The following CHMP3 variants were observed in gnomAD, a reference collection of about 807,000 sequenced individuals.
CHMP3 encodes the protein 25.1 protein.
In CHMP3, 8 loss-of-function variants were observed where a neutral mutation model predicts 27.4. The observed-to-expected ratio is 0.29, with a 90% CI of 0.17 to 0.53. The LOEUF is 0.53. Among genes scored for constraint, CHMP3 ranks in the 20% least tolerant of loss-of-function variants. The probability of loss-of-function intolerance (pLI) is 0.96; values close to 1 mark genes in which losing one functional copy is unlikely to be tolerated. For synonymous variants in CHMP3, 86 were observed against 85.5 expected (o/e 1.01, Z -0.03); for missense variants, 208 against 271.5 (o/e 0.77, Z 1.64).
At chr2:86,548,927 G>A (rs1460151717) in intron 1 of CHMP3, among the ~76,000 whole-genome samples, 2 of 150,164 alleles carry the variant, frequency 1.3e-5, no homozygotes, top group Non-Finnish European at 3.0e-5. Context: ...CAGATGATGG[G>A]CCGGGCAGAG....
At chr2:86,533,359 GAACC>G (rs1676000491) in intron 2 of CHMP3, among the ~76,000 whole-genome samples, 1 of 152,026 alleles carries the variant, frequency 6.6e-6, no homozygotes, top group African/African-American at 2.4e-5. Context: ...TCTTTTTCAA[GAACC>G]AACTATGGAT....
chr2:86,547,417 A>G (rs1676654510), intron 1 of CHMP3, among the ~76,000 whole-genome samples: 1 of 152,246 alleles, frequency 6.6e-6, no homozygotes, highest in Non-Finnish European at 1.5e-5. Flanking sequence ...CTAAACTTGT[A>G]AAATCAAAAG....
chr2:86,548,568 T>A (rs1477585629), intron 1 of CHMP3, among the ~76,000 whole-genome samples: 3 of 152,224 alleles, frequency 2.0e-5, no homozygotes, highest in African/African-American at 4.8e-5. Context: ...AACAAAATGG[T>A]GTCTCCTATG....
intron 3 of CHMP3, among the ~76,000 whole-genome samples, chr2:86,521,470 T>C (rs1436831526): frequency 1.3e-5 from 2 of 152,238 alleles, no homozygotes; most frequent in Non-Finnish European, 2.9e-5. Flanking sequence ...TTTTTAAGTA[T>C]ATAGTTAAGT....
intron 1 of CHMP3, chr2:86,562,880 G>C (rs1677435974): frequency 6.2e-6 from 1 of 162,130 alleles, no homozygotes; most frequent in African/African-American, 2.4e-5. Context: ...TCCGGCAGAC[G>C]CGACCCGGCC....
intron 1 of CHMP3, among the ~76,000 whole-genome samples, chr2:86,550,292 C>T (rs1005128406): frequency 6.6e-6 from 1 of 152,144 alleles, no homozygotes; most frequent in African/African-American, 2.4e-5. Context: ...AGGAGAACCA[C>T]GGGAGCCCGG....
chr2:86,563,353 AACT>A lies in CHMP3; in HGVS notation c.-8_-6del. ...GGTCTTTCCAAACAGCCCCATGACG[AACT>A]GAACCCGTCTTGCCCCTTCCGGCTT... On this transcript the variant is annotated 5_prime_UTR_variant, in exon 1 of 6. Transcript: ENST00000263856. The A allele has an allele frequency of 1.9e-6, 3 of 1,614,020 alleles. No homozygotes were observed. Among genetic ancestry groups the A allele is most frequent in the Non-Finnish European group, 2.5e-6 (3 of 1,179,924 alleles).
At chr2:86,527,539 A>G (rs993919070) in intron 3 of CHMP3, among the ~76,000 whole-genome samples, 4 of 152,228 alleles carry the variant, frequency 2.6e-5, no homozygotes, top group East Asian at 1.9e-4. Flanking sequence ...AGCTTTCAAC[A>G]TGACAGGATT....
At chr2:86,532,018 C>CT (rs1675942696) in intron 2 of CHMP3, among the ~76,000 whole-genome samples, 1 of 152,248 alleles carries the variant, frequency 6.6e-6, no homozygotes, top group Admixed American at 6.5e-5. Flanking sequence ...AAGGATTGCA[C>CT]TTTGAATGTA....
At chr2:86,523,366 A>G (rs151209719) in intron 3 of CHMP3, among the ~76,000 whole-genome samples, 3,112 of 152,224 alleles carry the variant, frequency 0.02, 37 homozygotes, top group Non-Finnish European at 0.03. Context: ...ACGTTCTCCT[A>G]GTGCATATCA....
intron 3 of CHMP3, among the ~76,000 whole-genome samples, chr2:86,519,365 C>CAAA (rs35255775): frequency 1.2e-4 from 13 of 111,104 alleles, no homozygotes; most frequent in Admixed American, 6.5e-4. Flanking sequence ...AACTTCATCT[C>CAAA]AAAAAAAAAA....
intron 2 of CHMP3, among the ~76,000 whole-genome samples, chr2:86,534,802 C>A (rs191946602): frequency 6.6e-6 from 1 of 152,138 alleles, no homozygotes; most frequent in Non-Finnish European, 1.5e-5. Flanking sequence ...ACTATGTCCA[C>A]AAAATATCTT....
intron 2 of CHMP3, chr2:86,540,612 G>C (rs1373423407): frequency 3.9e-5 from 6 of 152,026 alleles, no homozygotes; most frequent in Admixed American, 3.9e-4. Context: ...CAATTTCACT[G>C]ATCTTGTTTT....
chr2:86,550,132 C>T (rs564570591), intron 1 of CHMP3, among the ~76,000 whole-genome samples: 3 of 152,298 alleles, frequency 2.0e-5, no homozygotes, highest in Admixed American at 6.5e-5. Flanking sequence ...TCCCAGCACC[C>T]CGGGAGGCCA....
chr2:86,508,866 C>G lies in CHMP3; in HGVS notation c.409-1273G>C, dbSNP rs368431696. Among the ~76,000 whole-genome samples, 3 of 152,354 alleles carry G rather than the reference C, an allele frequency of 2.0e-5. No individual in the cohort carries two copies. In the East Asian group the frequency reaches 5.8e-4, roughly 29 times the overall value. On this transcript the variant is annotated intron_variant, in intron 4 of 5. Coordinates refer to ENST00000263856, the MANE Select transcript of CHMP3 (RefSeq NM_016079.4). ...CTTCCTGAATGGGATCATCTTAGTA[C>G]TGGGGGCTACCATAAAAGAAGTGCA...
At chr2:86,521,454 T>A (rs1377693905) in intron 3 of CHMP3, among the ~76,000 whole-genome samples, 1 of 152,228 alleles carries the variant, frequency 6.6e-6, no homozygotes, top group Non-Finnish European at 1.5e-5. Context: ...TTGTAACTTT[T>A]ATCCATTTTT....
intron 1 of CHMP3, among the ~76,000 whole-genome samples, chr2:86,560,303 A>C (rs1409284475): frequency 6.6e-6 from 1 of 152,146 alleles, no homozygotes; most frequent in Non-Finnish European, 1.5e-5. Context: ...AATAGCAAAG[A>C]CTTGGAACCA....
At chr2:86,538,893 A>C (rs978046585) in intron 2 of CHMP3, among the ~76,000 whole-genome samples, 22 of 152,222 alleles carry the variant, frequency 1.4e-4, no homozygotes, top group African/African-American at 4.8e-4. Flanking sequence ...AAAAGTAAAC[A>C]TAACTGTACA....
chr2:86,506,476 T>C (rs547677031), intron 5 of CHMP3, among the ~76,000 whole-genome samples: 119 of 152,274 alleles, frequency 7.8e-4, no homozygotes, highest in African/African-American at 2.4e-3. Context: ...CACAAAAGTA[T>C]GTATTTCAGT....
Sources: allele counts gnomAD v4.1 joint callset (sites outside exome capture counted in the v4.1 genomes callset), GRCh38; gene constraint gnomAD v4.1.1; transcripts MANE v1.5; gene names NCBI Gene and HGNC (gene_info 2026-07-23, HGNC 2026-07-21).